The following SDK1 variants were observed in gnomAD, a reference collection of about 807,000 sequenced individuals.
The protein encoded by SDK1 is sidekick cell adhesion molecule 1.
In SDK1, 157 loss-of-function variants were observed where a neutral mutation model predicts 245.5. The ratio of observed to expected loss-of-function variants is 0.64; its 90% confidence interval spans 0.56 to 0.73. SDK1 has a LOEUF of 0.73. SDK1 is among the 30% of genes least tolerant of loss of function. The pLI is 0.00. For synonymous variants in SDK1, 1,647 were observed against 1,278.5 expected, an observed-to-expected ratio of 1.29 and a Z score of -6.15; for missense variants, 3,583 against 3,002.3, an observed-to-expected ratio of 1.19 and a Z score of -4.52.
chr7:3,457,316 A>C (rs188763304), intron 1 of SDK1, among the ~76,000 whole-genome samples: 19 of 152,252 alleles, frequency 1.2e-4, no homozygotes, highest in Admixed American at 1.2e-3. Context: ...CTTCCTAACC[A>C]GTTAGTTTGC....
At chr7:4,041,867 G>T (rs1297708127) in intron 17 of SDK1, among the ~76,000 whole-genome samples, 2 of 135,322 alleles carry the variant, frequency 1.5e-5, no homozygotes, top group Admixed American at 1.4e-4. Context: ...AGGCTGGAGT[G>T]CAGTGGTGAG....
chr7:4,026,912 A>G lies in SDK1; in HGVS notation c.2602+9560A>G, dbSNP rs931312003. ...CACCGCTCCCTGGTTTCAAAGGCGT[A>G]TACATTTAATTCTATGTGGTAACCT... On this transcript the variant is annotated intron_variant, in intron 17 of 44. Transcript: ENST00000404826. This position sits in a 1 kb window ranked among gnomAD's most constrained non-coding sequence, Gnocchi z 4.1. 1.3e-5 allele frequency among the ~76,000 whole-genome samples: 2 copies of G among 152,236 alleles called. No homozygotes were observed. The highest frequency in any genetic ancestry group is 1.3e-4 in the Admixed American group (2 of 15,282).
chr7:4,266,982 G>A lies in SDK1; in HGVS notation c.*1598G>A. ...GGAGCCAGTCTCCTGGCCACATGCA[G>A]AAAGTGTGGCCCCTGCTTACCTAGA... On this transcript the variant is annotated 3_prime_UTR_variant, in exon 45 of 45. Coordinates refer to ENST00000404826, the MANE Select transcript of SDK1 (RefSeq NM_152744.4). The A allele has an allele frequency of 1.0e-6, 1 of 985,540 alleles. No homozygotes were observed. Among genetic ancestry groups the A allele is most frequent in the Non-Finnish European group, 1.2e-6 (1 of 829,994 alleles). The allele number at this position is 985,540 out of a possible 1,614,324, so 61.0% of individuals were successfully genotyped here. A position where few individuals can be genotyped will look rare whatever the true frequency, so the allele number is the denominator to read the frequency against.
chr7:3,463,533 G>A lies in SDK1; in HGVS notation c.299-155547G>A, dbSNP rs532549881. Reference sequence around the variant, plus strand: ...ATACAATAATATAATTGAATGAAAAGTGCATAATTTAGTGCCAGTAAATGG... The same window carrying A: ...ATACAATAATATAATTGAATGAAAAATGCATAATTTAGTGCCAGTAAATGG... On this transcript the variant is annotated intron_variant, in intron 1 of 44. Coordinates refer to ENST00000404826, the MANE Select transcript of SDK1 (RefSeq NM_152744.4). Among the ~76,000 whole-genome samples, 17 of 117,912 alleles carry A rather than the reference G, an allele frequency of 1.4e-4. No individual in the cohort carries two copies. In the South Asian group the frequency reaches 3.1e-3, roughly 22 times the overall value. 77.4% of individuals were successfully genotyped at this position (117,912 alleles called of 152,430 possible). A position where few individuals can be genotyped will look rare whatever the true frequency, so the allele number is the denominator to read the frequency against.
intron 26 of SDK1, among the ~76,000 whole-genome samples, chr7:4,128,608 C>T (rs1276363478): frequency 2.9e-5 from 4 of 138,052 alleles, no homozygotes; most frequent in African/African-American, 1.1e-4. Context: ...GGGTGGGGTC[C>T]CCTGGAGGAG....
chr7:3,838,831 T>C (rs934489733), intron 5 of SDK1, among the ~76,000 whole-genome samples: 1 of 152,210 alleles, frequency 6.6e-6, no homozygotes, highest in African/African-American at 2.4e-5. Flanking sequence ...AGAGAAATCC[T>C]TTAATATAAC....
chr7:3,542,654 A>G (rs910075827), intron 1 of SDK1, among the ~76,000 whole-genome samples: 5 of 152,222 alleles, frequency 3.3e-5, no homozygotes, highest in Admixed American at 6.5e-5. Flanking sequence ...AAATATTTTA[A>G]TATCTTTACA....
chr7:3,886,291 C>T (rs1781337279), intron 5 of SDK1, among the ~76,000 whole-genome samples: 1 of 152,114 alleles, frequency 6.6e-6, no homozygotes, highest in African/African-American at 2.4e-5. Context: ...CTCCAGCCAC[C>T]AGAGAGAGAA....
chr7:3,760,340 A>G (rs991259219), intron 4 of SDK1, among the ~76,000 whole-genome samples: 8 of 152,186 alleles, frequency 5.3e-5, no homozygotes, highest in Admixed American at 4.6e-4. Context: ...ATGTGCATGC[A>G]TACATTCCCC....
At chr7:3,646,078 C>G (rs913908205) in intron 4 of SDK1, among the ~76,000 whole-genome samples, 2 of 152,032 alleles carry the variant, frequency 1.3e-5, no homozygotes, top group East Asian at 1.9e-4. Context: ...AGGCTGGTCT[C>G]GAACTCCTGA....
intron 4 of SDK1, among the ~76,000 whole-genome samples, chr7:3,769,831 C>T (rs1482172084): frequency 6.6e-6 from 1 of 151,806 alleles, no homozygotes; most frequent in African/African-American, 2.4e-5. Context: ...TCCTCCAGTC[C>T]TGGGGTCCCT....
At chr7:3,916,757 A>G (rs1265648321) in intron 5 of SDK1, among the ~76,000 whole-genome samples, 1 of 152,236 alleles carries the variant, frequency 6.6e-6, no homozygotes, top group Admixed American at 6.5e-5. Context: ...CAAATTCTAT[A>G]TACTTTACAT....
intron 17 of SDK1, among the ~76,000 whole-genome samples, chr7:4,042,851 T>A (rs950004775): frequency 9.2e-5 from 14 of 152,254 alleles, no homozygotes; most frequent in African/African-American, 3.4e-4. Context: ...GCTGTAACTC[T>A]TTCTCGCTTG....
At chr7:3,891,592 A>G (rs1781461330) in intron 5 of SDK1, among the ~76,000 whole-genome samples, 1 of 152,172 alleles carries the variant, frequency 6.6e-6, no homozygotes, top group African/African-American at 2.4e-5. Context: ...TTTTTCGTGC[A>G]TGTCCTCCTT....
intron 1 of SDK1, among the ~76,000 whole-genome samples, chr7:3,336,099 A>T (rs745364671): frequency 2.0e-5 from 3 of 152,128 alleles, no homozygotes; most frequent in African/African-American, 7.2e-5. Flanking sequence ...TGTTCCCCAT[A>T]GCCAGAGGAC....
intron 44 of SDK1, among the ~76,000 whole-genome samples, chr7:4,250,072 T>C (rs1787191774): frequency 6.6e-6 from 1 of 152,148 alleles, no homozygotes; most frequent in Non-Finnish European, 1.5e-5. Context: ...ACCCCAGCTC[T>C]TGGCAACCAG....
intron 1 of SDK1, among the ~76,000 whole-genome samples, chr7:3,332,745 G>A (rs1201840744): frequency 6.6e-6 from 1 of 152,144 alleles, no homozygotes; most frequent in Non-Finnish European, 1.5e-5. Flanking sequence ...CATTCAGCCA[G>A]TAAGGTGCTT....
chr7:3,309,458 A>C (rs906191334), intron 1 of SDK1, among the ~76,000 whole-genome samples: 5 of 150,730 alleles, frequency 3.3e-5, no homozygotes, highest in African/African-American at 1.2e-4. Context: ...AGGCGAGTTT[A>C]TAATACCCAG....
At chr7:3,577,844 T>A (rs771895407) in intron 1 of SDK1, among the ~76,000 whole-genome samples, 3 of 152,030 alleles carry the variant, frequency 2.0e-5, no homozygotes, top group Non-Finnish European at 4.4e-5. Context: ...CCTCATCTCC[T>A]GCATTGCCTG....
Sources: allele counts gnomAD v4.1 joint callset (sites outside exome capture counted in the v4.1 genomes callset), GRCh38; gene constraint gnomAD v4.1.1; non-coding constraint Gnocchi (gnomAD v3.1); transcripts MANE v1.5; gene names NCBI Gene and HGNC (gene_info 2026-07-23, HGNC 2026-07-21).